The following EYS variants were observed in gnomAD, a reference collection of about 807,000 sequenced individuals.
The protein encoded by EYS is EGF-like photoreceptor maintenance factor.
A neutral mutation model predicts 282.1 loss-of-function variants in EYS; 250 were observed. The observed-to-expected ratio is 0.89, with a 90% CI of 0.80 to 0.98. The LOEUF is 0.98. EYS is among the 50% of genes least tolerant of loss of function. EYS has a pLI of 0.00. For synonymous variants in EYS, 1,355 were observed against 1,282.9 expected (o/e 1.06, Z -1.20); for missense variants, 4,016 against 3,709.0 (o/e 1.08, Z -2.15).
At chr6:64,483,561 T>C (rs1776497031) in intron 26 of EYS, among the ~76,000 whole-genome samples, 1 of 151,608 alleles carries the variant, frequency 6.6e-6, no homozygotes, top group East Asian at 1.9e-4. Context: ...CCTACCTCCT[T>C]CTCTCTGGTG....
chr6:65,588,454 A>G (rs928099096), intron 2 of EYS, among the ~76,000 whole-genome samples: 11 of 151,996 alleles, frequency 7.2e-5, no homozygotes, highest in African/African-American at 2.7e-4. Context: ...AAGCAGTTTT[A>G]TGCCTCTGAG....
intron 30 of EYS, among the ~76,000 whole-genome samples, chr6:64,290,669 T>C (rs1768672074): frequency 6.6e-6 from 1 of 151,898 alleles, no homozygotes; most frequent in African/African-American, 2.4e-5. Context: ...AGAGTCCTCT[T>C]CTTCCAGAAC....
At chr6:63,945,372 C>T (rs1003761038) in intron 35 of EYS, among the ~76,000 whole-genome samples, 7 of 152,202 alleles carry the variant, frequency 4.6e-5, no homozygotes, top group South Asian at 2.1e-4. Flanking sequence ...TACCTCCCGC[C>T]GGTCCCCTCC....
chr6:64,535,831 A>G (rs1764501048), intron 26 of EYS, among the ~76,000 whole-genome samples: 3 of 152,158 alleles, frequency 2.0e-5, no homozygotes, highest in African/African-American at 7.2e-5. Flanking sequence ...GGAGTATGCT[A>G]TCTTAAGTAG....
At chr6:65,058,725 A>C (rs1389988178) in intron 12 of EYS, among the ~76,000 whole-genome samples, 2 of 150,746 alleles carry the variant, frequency 1.3e-5, no homozygotes, top group Non-Finnish European at 3.0e-5. Flanking sequence ...TGTTTTGCTA[A>C]AGCTGACCTT....
chr6:65,465,617 C>A (rs764108945), intron 5 of EYS, among the ~76,000 whole-genome samples: 6 of 152,042 alleles, frequency 3.9e-5, no homozygotes, highest in Non-Finnish European at 5.9e-5. Flanking sequence ...CAGAGAAAAG[C>A]ACAATTAGCG....
At chr6:64,115,391 C>T (rs561077312) in intron 31 of EYS, among the ~76,000 whole-genome samples, 4 of 152,136 alleles carry the variant, frequency 2.6e-5, no homozygotes, top group Non-Finnish European at 4.4e-5. Context: ...CTGCCATCAC[C>T]ACTGTGAGCA....
chr6:64,438,932 T>C (rs1445530673), intron 27 of EYS, among the ~76,000 whole-genome samples: 1 of 151,680 alleles, frequency 6.6e-6, no homozygotes, highest in Non-Finnish European at 1.5e-5. Context: ...TTGAATAAGT[T>C]GTTAACCACT....
chr6:65,091,575 T>C (rs1478534634), intron 12 of EYS, among the ~76,000 whole-genome samples: 1 of 152,162 alleles, frequency 6.6e-6, no homozygotes, highest in Non-Finnish European at 1.5e-5. Context: ...CTGAATATAG[T>C]AATTATGAAA....
intron 19 of EYS, among the ~76,000 whole-genome samples, chr6:64,853,663 C>T (rs2150043434): frequency 6.6e-6 from 1 of 152,108 alleles, no homozygotes; most frequent in East Asian, 1.9e-4. Context: ...AAGTAGAAAC[C>T]TAGGCAATAC....
intron 33 of EYS, among the ~76,000 whole-genome samples, chr6:64,056,926 T>C (rs970960440): frequency 6.6e-6 from 1 of 152,158 alleles, no homozygotes; most frequent in Admixed American, 6.5e-5. Flanking sequence ...TAACATTTTG[T>C]CTTTGAAGGG....
intron 30 of EYS, among the ~76,000 whole-genome samples, chr6:64,295,167 G>A (rs573557844): frequency 7.9e-5 from 12 of 151,008 alleles, no homozygotes; most frequent in African/African-American, 2.9e-4. Flanking sequence ...GAGGTCAGGA[G>A]ATCAAGACCA....
intron 22 of EYS, among the ~76,000 whole-genome samples, chr6:64,633,867 T>C (rs1294718909): frequency 6.6e-6 from 1 of 152,170 alleles, no homozygotes; most frequent in African/African-American, 2.4e-5. Context: ...ATGATTGTAA[T>C]CCAGCTCGCA....
intron 36 of EYS, among the ~76,000 whole-genome samples, chr6:63,809,958 G>A (rs529906654): frequency 1.3e-5 from 2 of 151,682 alleles, no homozygotes; most frequent in Admixed American, 6.6e-5. Flanking sequence ...ATATTTTGCT[G>A]TGGCCGGGCA....
Position 65,306,832 on chromosome 6 carries a change from C to CAAAAAAAAAAAAAAAAAAAAAAAAAAAAA in EYS, c.1767-10742_1767-10714dup, listed in dbSNP as rs201743269. Among the ~76,000 whole-genome samples the CAAAAAAAAAAAAAAAAAAAAAAAAAAAAA allele has an allele frequency of 8.7e-4, 45 of 51,748 alleles. 1 individual carries two copies. Among genetic ancestry groups the CAAAAAAAAAAAAAAAAAAAAAAAAAAAAA allele is most frequent in the Admixed American group, 2.4e-3 (9 of 3,676 alleles). 33.9% of individuals were successfully genotyped at this position (51,748 alleles called of 152,430 possible). ...TGGGCAGCAGAGCAAGAGTCCGTCTCAAAAAAAAAAAAAAAAAAAAAAAAA... is the reference window on the plus strand; with the variant it reads ...TGGGCAGCAGAGCAAGAGTCCGTCTCAAAAAAAAAAAAAAAAAAAAAAAAAAAAAAAAAAAAAAAAAAAAAAAAAAAAAA... On this transcript the variant is annotated intron_variant, in intron 11 of 42. Coordinates refer to ENST00000503581, the MANE Select transcript of EYS (RefSeq NM_001142800.2).
intron 13 of EYS, among the ~76,000 whole-genome samples, chr6:65,054,672 T>A (rs2350517): frequency 1 from 152,070 of 152,124 alleles, 76,008 homozygotes; most frequent in Middle Eastern, 1. Context: ...TGATGTGATT[T>A]CCAGAAAAAT....
rs35744765 is a variant in EYS at position 64,117,328 on chromosome 6, ACC to A, written c.6425-35328_6425-35327del. On this transcript the variant is annotated intron_variant, in intron 31 of 42. Transcript: ENST00000503581. ...TCAAGGAACTAGAAAGAGAGGAACAACCCCCCCCCCAATTAGTAGAAGGAAAT... is the reference window on the plus strand; with the variant it reads ...TCAAGGAACTAGAAAGAGAGGAACAACCCCCCCCAATTAGTAGAAGGAAAT... 2.0e-4 allele frequency among the ~76,000 whole-genome samples: 28 copies of A among 141,822 alleles called. No homozygotes were observed. In the East Asian group the frequency reaches 2.7e-3, roughly 14 times the overall value. The allele number at this position is 141,822 out of a possible 152,430, so 93.0% of individuals were successfully genotyped here.
intron 31 of EYS, among the ~76,000 whole-genome samples, chr6:64,157,381 A>C (rs1008259167): frequency 6.6e-6 from 1 of 152,192 alleles, no homozygotes; most frequent in African/African-American, 2.4e-5. Flanking sequence ...GTGATAGAAA[A>C]GAAAAACCCA....
chr6:64,133,143 C>T (rs189007783), intron 31 of EYS, among the ~76,000 whole-genome samples: 1 of 151,650 alleles, frequency 6.6e-6, no homozygotes, highest in Non-Finnish European at 1.5e-5. Context: ...TTTTTTGTAA[C>T]AAAAAAGGAT....
Sources: gnomAD v4.1 joint callset for allele counts (sites outside exome capture counted in the v4.1 genomes callset) on GRCh38, gnomAD v4.1.1 for gene constraint, MANE v1.5 for transcripts, NCBI Gene and HGNC (gene_info 2026-07-23, HGNC 2026-07-21) for gene names.